The following CACNA1H variants were observed in gnomAD, a reference collection of about 807,000 sequenced individuals.
CACNA1H encodes the protein calcium voltage-gated channel subunit alpha1 H.
CACNA1H carries 149 observed loss-of-function variants against 192.5 expected under a neutral mutation model. That is an observed-to-expected ratio of 0.77 (90% CI 0.68 to 0.89). The LOEUF is 0.89. Among genes scored for constraint, CACNA1H ranks in the 40% least tolerant of loss-of-function variants. The pLI is 0.00. For synonymous variants in CACNA1H, 2,202 were observed against 1,475.2 expected (o/e 1.49, Z -11.29); for missense variants, 4,257 against 3,423.5 (o/e 1.24, Z -6.08).
intron 2 of CACNA1H, among the ~76,000 whole-genome samples, chr16:1,158,868 CTGG>C (rs1256813264): frequency 2.7e-5 from 4 of 148,376 alleles, no homozygotes; most frequent in African/African-American, 1.0e-4. Flanking sequence ...GCCCGCACCC[CTGG>C]CCCCGCAGGG....
At chr16:1,155,177 C>T (rs1165085803) in intron 2 of CACNA1H, among the ~76,000 whole-genome samples, 1 of 152,216 alleles carries the variant, frequency 6.6e-6, no homozygotes, top group Non-Finnish European at 1.5e-5. Flanking sequence ...ATCCAAACAT[C>T]GAGTGAGTCA....
At chr16:1,175,522 C>G (rs991445426) in intron 2 of CACNA1H, among the ~76,000 whole-genome samples, 5 of 152,154 alleles carry the variant, frequency 3.3e-5, no homozygotes, top group Non-Finnish European at 7.3e-5. Flanking sequence ...GCCTCCAGCT[C>G]CTAAGCACCA....
chr16:1,212,325 G>A (rs1969549887), intron 25 of CACNA1H, among the ~76,000 whole-genome samples, 186 bp from the exon 26 acceptor site: 1 of 152,032 alleles, frequency 6.6e-6, no homozygotes, highest in Non-Finnish European at 1.5e-5. Context: ...AGCCCGCCAT[G>A]GCAGGAGAGG....
chr16:1,217,869 C>T (rs1396154888), intron 31 of CACNA1H, 50 bp from the exon 32 acceptor site: 19 of 1,544,464 alleles, frequency 1.2e-5, no homozygotes, highest in Admixed American at 3.8e-5. Flanking sequence ...CATGTCCCGC[C>T]TCCACCCGGA....
intron 6 of CACNA1H, 79 bp downstream of exon 6, chr16:1,198,853 C>G (rs906417143): frequency 2.2e-6 from 3 of 1,392,846 alleles, no homozygotes; most frequent in Admixed American, 2.0e-5. Context: ...TGTGGCTCCA[C>G]CGCCCCACGT....
At chr16:1,155,909 C>A (rs960187620) in intron 2 of CACNA1H, among the ~76,000 whole-genome samples, 1 of 152,114 alleles carries the variant, frequency 6.6e-6, no homozygotes, top group African/African-American at 2.4e-5. Context: ...TCCTGAGGAG[C>A]TGTCCTTTTG....
intron 26 of CACNA1H, 110 bp downstream of exon 26, chr16:1,212,638 C>A (rs974605488): frequency 1.5e-6 from 2 of 1,350,016 alleles, no homozygotes; most frequent in African/African-American, 1.5e-5. Flanking sequence ...CACAGGCAGC[C>A]GGAGGTGCTG....
At chr16:1,162,158 C>G (rs1351227909) in intron 2 of CACNA1H, among the ~76,000 whole-genome samples, 1 of 152,104 alleles carries the variant, frequency 6.6e-6, no homozygotes. Flanking sequence ...TGATGCAGGA[C>G]ATGGGATCCT....
intron 2 of CACNA1H, among the ~76,000 whole-genome samples, chr16:1,185,303 C>T (rs1965874628): frequency 6.6e-6 from 1 of 152,198 alleles, no homozygotes; most frequent in African/African-American, 2.4e-5. Flanking sequence ...GTCAGTGCCG[C>T]TGTGGACACG....
chr16:1,200,322 C>T lies in CACNA1H; in HGVS notation c.870C>T (p.Ile290=), dbSNP rs373205962. The T allele has an allele frequency of 8.7e-6, 14 of 1,605,090 alleles. No homozygotes were observed. The highest frequency in any genetic ancestry group is 1.3e-5 in the African/African-American group (1 of 74,786). Residue 290 remains isoleucine (I), a synonymous_variant, in exon 7 of 35, where the codon ATC becomes ATT. Coordinates refer to ENST00000348261, the MANE Select transcript of CACNA1H (RefSeq NM_021098.3). ...AGGAGGGCGAGGAGAACCCGTTCAT[C>T]TGCTCCTCACGCCGAGACAACGGCA... ...QTEEGEENPF[I]CSSRRDNGMQ... is the part of the protein sequence containing the mutation.
At position 1,205,133 on chromosome 16, in the gene CACNA1H, C is replaced by T. The variant is rs772602372; in HGVS notation, c.2471C>T (p.Ala824Val). 11 of 1,612,460 alleles carry T rather than the reference C, an allele frequency of 6.8e-6. No individual in the cohort carries two copies. Among genetic ancestry groups the T allele is most frequent in the South Asian group, 3.3e-5 (3 of 91,058 alleles). The change falls in exon 11 of 35, where the codon GCT becomes GTT. Residue 824 changes from alanine (A) to valine (V), a missense_variant. Transcript: ENST00000348261. ...YHEQPEELTN[A>V]LEISNIVFTS... ...CTGCAGCCCGAGGAGCTGACTAATG[C>T]TCTGGAGATCAGCAACATCGTGTTC...
intron 14 of CACNA1H, 111 bp from the exon 15 acceptor site, chr16:1,207,659 G>C: frequency 9.7e-7 from 1 of 1,029,880 alleles, no homozygotes; most frequent in African/African-American, 1.6e-5. Flanking sequence ...ATCATCCTCT[G>C]GGCCCTTCTG....
At chr16:1,185,021 C>T (rs559926996) in intron 2 of CACNA1H, among the ~76,000 whole-genome samples, 23 of 152,282 alleles carry the variant, frequency 1.5e-4, no homozygotes, top group African/African-American at 3.4e-4. Context: ...AGAAGGAAAC[C>T]GCATCCCCAT....
rs1305117863 is a variant in CACNA1H at position 1,215,287 on chromosome 16, C to T, written c.5085C>T (p.Gly1695=). 4 of 1,608,700 alleles carry T rather than the reference C, an allele frequency of 2.5e-6. No homozygotes were observed. The highest frequency in any genetic ancestry group is 1.3e-5 in the African/African-American group (1 of 74,852). ...CCATCGTGCTGCTGTCACTCATGGGCATCACGCTGGAGGAGATAGAGATGA... is the reference window on the plus strand; with the variant it reads ...CCATCGTGCTGCTGTCACTCATGGGTATCACGCTGGAGGAGATAGAGATGA... ...DLAIVLLSLM[G]ITLEEIEMSA... Residue 1695 remains glycine (G), a synonymous_variant, in exon 29 of 35, where the codon GGC becomes GGT. Transcript: ENST00000348261.
intron 2 of CACNA1H, among the ~76,000 whole-genome samples, chr16:1,190,829 C>T (rs969377141): frequency 3.9e-5 from 6 of 152,260 alleles, no homozygotes; most frequent in African/African-American, 1.2e-4. Flanking sequence ...AGAGCTGGGA[C>T]CCGTCAGGCT....
At position 1,195,096 on chromosome 16, in the gene CACNA1H, G is replaced by A; in HGVS notation, c.411+13G>A. ...CAACATCCTGGAGGTGAGGGGCGTG[G>A]GTCGGGGTGGGGAAGGAGCGTGGGT... On this transcript the variant is annotated intron_variant, in intron 3 of 34. Transcript: ENST00000348261. 3.2e-6 allele frequency: 5 copies of A among 1,564,270 alleles called. No homozygotes were observed. Among genetic ancestry groups the A allele is most frequent in the Non-Finnish European group, 2.6e-6 (3 of 1,139,044 alleles).
At chr16:1,204,628 A>G (rs1320030748) in intron 10 of CACNA1H, among the ~76,000 whole-genome samples, 170 bp downstream of exon 10, 1 of 152,186 alleles carries the variant, frequency 6.6e-6, no homozygotes, top group Non-Finnish European at 1.5e-5. Flanking sequence ...CCGAGCCTCC[A>G]CTGGAGGGGA....
chr16:1,168,194 C>T (rs1385719233), intron 2 of CACNA1H, among the ~76,000 whole-genome samples: 1 of 130,662 alleles, frequency 7.7e-6, no homozygotes, highest in African/African-American at 3.7e-5. Flanking sequence ...GATGTGGGAT[C>T]CCCCCCCCCA....
rs770521189 is a variant in CACNA1H, at chr16:1,167,374, C to T, written c.299+13338C>T. Among the ~76,000 whole-genome samples the T allele has an allele frequency of 2.0e-5, 3 of 152,044 alleles. No homozygotes were observed. The highest frequency in any genetic ancestry group is 4.4e-5 in the Non-Finnish European group (3 of 68,018). ...AGCGGGCGGGGTGGCGCCCGGGCCG[C>T]GGGTGGGAGAATCTGGCGTGTGTGT... On this transcript the variant is annotated intron_variant, in intron 2 of 34. Transcript: ENST00000348261. This position sits in a 1 kb window ranked among gnomAD's most constrained non-coding sequence, Gnocchi z 4.2.
Sources: gnomAD v4.1 joint callset for allele counts (sites outside exome capture counted in the v4.1 genomes callset) on GRCh38, gnomAD v4.1.1 for gene constraint, Gnocchi (gnomAD v3.1) non-coding constraint, MANE v1.5 for transcripts, NCBI Gene and HGNC (gene_info 2026-07-23, HGNC 2026-07-21) for gene names.